Variants in CSMD3 observed in about 807,000 individuals in gnomAD.
The protein encoded by CSMD3 is CUB and Sushi multiple domains 3.
Under a neutral mutation model 435.2 loss-of-function variants are expected in CSMD3, and 177 were observed. That is an observed-to-expected ratio of 0.41 (90% CI 0.36 to 0.46). The LOEUF (loss-of-function observed/expected upper bound fraction) is 0.46. Among genes scored for constraint, CSMD3 ranks in the 20% least tolerant of loss-of-function variants. CSMD3 has a pLI of 0.34. For missense variants in CSMD3, 4,265 were observed against 4,504.6 expected (o/e 0.95, Z 1.52); for synonymous variants, 1,656 against 1,520.5 (o/e 1.09, Z -2.07).
At chr8:113,258,362 C>T (rs1413735628) in intron 3 of CSMD3, among the ~76,000 whole-genome samples, 1 of 152,116 alleles carries the variant, frequency 6.6e-6, no homozygotes, top group Admixed American at 6.6e-5. Flanking sequence ...GCAGAGACTG[C>T]CAGTTGTCTC....
intron 5 of CSMD3, among the ~76,000 whole-genome samples, chr8:113,048,994 T>G (rs1013546786): frequency 6.6e-6 from 1 of 152,104 alleles, no homozygotes; most frequent in Non-Finnish European, 1.5e-5. Flanking sequence ...ATCCCAGCAC[T>G]TTGGGAGGCC....
At chr8:112,769,702 C>T (rs1468904521) in intron 13 of CSMD3, among the ~76,000 whole-genome samples, 2 of 151,748 alleles carry the variant, frequency 1.3e-5, no homozygotes, top group Non-Finnish European at 2.9e-5. Flanking sequence ...TTTTGGTTGT[C>T]TTGTAATGAA....
chr8:112,852,128 G>A (rs1056452437), intron 11 of CSMD3, among the ~76,000 whole-genome samples: 5 of 152,162 alleles, frequency 3.3e-5, no homozygotes, highest in African/African-American at 1.2e-4. Flanking sequence ...AGGGACTAGT[G>A]ATGACAAGGG....
intron 35 of CSMD3, among the ~76,000 whole-genome samples, chr8:112,399,569 A>C (rs1831145024): frequency 6.6e-6 from 1 of 152,134 alleles, no homozygotes; most frequent in Non-Finnish European, 1.5e-5. Flanking sequence ...TTTCCAATCA[A>C]TTAACAATTC....
chr8:113,163,336 A>C (rs956103220), intron 4 of CSMD3, among the ~76,000 whole-genome samples: 1 of 152,060 alleles, frequency 6.6e-6, no homozygotes, highest in Non-Finnish European at 1.5e-5. Context: ...GATGGAAGAT[A>C]CAAGGATTCA....
intron 63 of CSMD3, among the ~76,000 whole-genome samples, chr8:112,249,249 G>A (rs575806261): frequency 3.3e-5 from 5 of 151,854 alleles, no homozygotes; most frequent in Non-Finnish European, 7.4e-5. Flanking sequence ...TCAAAGTATC[G>A]TCTTCCTTTT....
chr8:113,399,731 A>G (rs2094501227), intron 1 of CSMD3, among the ~76,000 whole-genome samples: 1 of 151,890 alleles, frequency 6.6e-6, no homozygotes. Context: ...ATGTTTTAAA[A>G]TTAGATTGTG....
At chr8:112,312,776 T>C (rs1390737694) in intron 49 of CSMD3, among the ~76,000 whole-genome samples, 2 of 152,164 alleles carry the variant, frequency 1.3e-5, no homozygotes, top group African/African-American at 4.8e-5. Flanking sequence ...TATTCATACA[T>C]TTTATATGTA....
In CSMD3 at chr8:112,405,234, T is replaced by TATGTATATATATATATATATATAC. The variant is rs1563904557; in HGVS notation, c.5809+1289_5809+1290insGTATATATATATATATATATACAT. Among the ~76,000 whole-genome samples, 451 of 93,552 alleles carry TATGTATATATATATATATATATAC rather than the reference T, an allele frequency of 4.8e-3. 10 individuals carry two copies. The highest frequency in any genetic ancestry group is 0.02 in the African/African-American group (428 of 21,092). 61.4% of individuals were successfully genotyped at this position (93,552 alleles called of 152,430 possible). A position where few individuals can be genotyped will look rare whatever the true frequency, so the allele number is the denominator to read the frequency against. On this transcript the variant is annotated intron_variant, in intron 35 of 70. Coordinates refer to ENST00000297405, the MANE Select transcript of CSMD3 (RefSeq NM_198123.2). ...ACCCCCATATATATATATATATATA[T>TATGTATATATATATATATATATAC]ATATATATATATACATATATATATA... is the stretch of plus-strand genomic sequence containing the variant.
chr8:113,115,476 A>G (rs924711425), intron 4 of CSMD3, among the ~76,000 whole-genome samples: 2 of 152,180 alleles, frequency 1.3e-5, no homozygotes, highest in Non-Finnish European at 2.9e-5. Context: ...TCCATCCTGA[A>G]GATAAACACA....
chr8:113,313,882 C>A (rs906876509), intron 2 of CSMD3: 2 of 152,064 alleles, frequency 1.3e-5, no homozygotes, highest in Non-Finnish European at 2.9e-5. Context: ...TGATTTACAA[C>A]TAAAATAAGT....
intron 5 of CSMD3, among the ~76,000 whole-genome samples, chr8:113,043,730 T>C (rs1431043934): frequency 6.6e-6 from 1 of 152,164 alleles, no homozygotes; most frequent in East Asian, 1.9e-4. Flanking sequence ...AGTACAACCA[T>C]GTTTAGTTAG....
Position 112,556,827 on chromosome 8 carries a change from A to G in CSMD3, c.4170T>C (p.Ser1390=). 1 of 1,612,626 alleles carries G rather than the reference A, an allele frequency of 6.2e-7. No homozygotes were observed. Among genetic ancestry groups the G allele is most frequent in the Non-Finnish European group, 8.5e-7 (1 of 1,179,120 alleles). ...CCCCTGTCATGCACTTGAGAAGGCT[A>G]CTTCCGTGGAGAGTGTAGCCTGGAT... is the stretch of plus-strand genomic sequence containing the variant. ...GCNPGYTLHG[S]SLLKCMTGER... is the part of the protein sequence containing the mutation. Residue 1390 remains serine (S), a synonymous_variant, in exon 25 of 71, where the codon AGT becomes AGC. Coordinates refer to ENST00000297405, the MANE Select transcript of CSMD3 (RefSeq NM_198123.2).
At chr8:112,860,835 T>C (rs2080807449) in intron 10 of CSMD3, among the ~76,000 whole-genome samples, 1 of 151,864 alleles carries the variant, frequency 6.6e-6, no homozygotes. Flanking sequence ...AGCATAATTC[T>C]AAATTGACTT....
chr8:112,881,230 A>G (rs1463959588), intron 10 of CSMD3, among the ~76,000 whole-genome samples: 1 of 152,016 alleles, frequency 6.6e-6, no homozygotes, highest in Non-Finnish European at 1.5e-5. Flanking sequence ...CTACAAAATA[A>G]AAGTATGGGG....
At chr8:113,404,463 C>T (rs1156438608) in intron 1 of CSMD3, among the ~76,000 whole-genome samples, 2 of 151,372 alleles carry the variant, frequency 1.3e-5, no homozygotes, top group Non-Finnish European at 3.0e-5. Context: ...TTTTCTCTCT[C>T]TGCCTAGCAC....
chr8:112,600,054 G>A (rs192324787), intron 22 of CSMD3, among the ~76,000 whole-genome samples: 2 of 151,870 alleles, frequency 1.3e-5, no homozygotes, highest in South Asian at 2.1e-4. Context: ...GGTGGAGGGT[G>A]ACTGGGGTTT....
chr8:113,397,691 T>A (rs1017429860), intron 1 of CSMD3, among the ~76,000 whole-genome samples: 3 of 151,624 alleles, frequency 2.0e-5, no homozygotes, highest in Non-Finnish European at 4.4e-5. Context: ...CGTGGCGGGC[T>A]CCTGTAGTCC....
chr8:113,374,729 C>T (rs978475144), intron 1 of CSMD3, among the ~76,000 whole-genome samples: 1 of 147,694 alleles, frequency 6.8e-6, no homozygotes, highest in African/African-American at 2.5e-5. Context: ...CAACAGTTGT[C>T]GCTTTAATTA....
Sources: allele counts gnomAD v4.1 joint callset (sites outside exome capture counted in the v4.1 genomes callset), GRCh38; gene constraint gnomAD v4.1.1; transcripts MANE v1.5; gene names NCBI Gene and HGNC (gene_info 2026-07-23, HGNC 2026-07-21).